CYRIB: variants seen among roughly 807,000 people sequenced by gnomAD.
The protein encoded by CYRIB is CYFIP related Rac1 interactor B.
In CYRIB, 8 loss-of-function variants were observed where a neutral mutation model predicts 44.2. That is an observed-to-expected ratio of 0.18 (90% CI 0.11 to 0.33). The LOEUF (loss-of-function observed/expected upper bound fraction) is 0.33, where lower values mean the gene tolerates loss of function less well. CYRIB is among the 10% of genes least tolerant of loss of function. The probability of loss-of-function intolerance (pLI) is 1.00; values close to 1 mark genes in which losing one functional copy is unlikely to be tolerated. For synonymous variants in CYRIB, 131 were observed against 127.2 expected (o/e 1.03, Z -0.20); for missense variants, 185 against 382.8 (o/e 0.48, Z 4.31).
chr8:129,977,735 T>C (rs901477544), intron 1 of CYRIB, among the ~76,000 whole-genome samples: 13 of 152,096 alleles, frequency 8.5e-5, no homozygotes, highest in Non-Finnish European at 5.9e-5. Context: ...GGTTTCACCG[T>C]GTTAGCCAGG....
At chr8:129,856,160 G>C (rs2046112831) in intron 5 of CYRIB, among the ~76,000 whole-genome samples, 1 of 152,176 alleles carries the variant, frequency 6.6e-6, no homozygotes, top group African/African-American at 2.4e-5. Flanking sequence ...CACACTGTCT[G>C]TATATGCCTA....
chr8:129,842,473 T>C (rs1318473570), intron 11 of CYRIB, among the ~76,000 whole-genome samples: 2 of 152,188 alleles, frequency 1.3e-5, no homozygotes, highest in Non-Finnish European at 2.9e-5. Flanking sequence ...AGTAAACAAT[T>C]AGCTGTAACT....
intron 1 of CYRIB, among the ~76,000 whole-genome samples, chr8:129,999,945 T>C (rs1034213153): frequency 6.6e-6 from 1 of 152,124 alleles, no homozygotes; most frequent in Admixed American, 6.6e-5. Flanking sequence ...AAGGTTTTGA[T>C]GAGGATTAAA....
intron 1 of CYRIB, among the ~76,000 whole-genome samples, chr8:129,906,918 T>C (rs1231836772): frequency 1.3e-5 from 2 of 152,182 alleles, no homozygotes; most frequent in African/African-American, 2.4e-5. Flanking sequence ...TCACACCAGT[T>C]AGAATGGCAA....
intron 1 of CYRIB, among the ~76,000 whole-genome samples, chr8:129,939,385 C>A (rs1205720572): frequency 6.6e-6 from 1 of 151,544 alleles, no homozygotes; most frequent in African/African-American, 2.4e-5. Context: ...AAAGGAAGAC[C>A]CGAATGAATG....
chr8:129,998,125 A>C (rs2096822495), intron 1 of CYRIB, among the ~76,000 whole-genome samples: 1 of 151,246 alleles, frequency 6.6e-6, no homozygotes, highest in East Asian at 1.9e-4. Flanking sequence ...GTCTCAAAAA[A>C]AAAAAAAAAA....
intron 1 of CYRIB, among the ~76,000 whole-genome samples, chr8:130,007,618 C>T (rs868715721): frequency 5.9e-5 from 9 of 151,996 alleles, no homozygotes; most frequent in South Asian, 4.2e-4. Flanking sequence ...AACCCTGTCG[C>T]TACTAAAAAT....
intron 2 of CYRIB, among the ~76,000 whole-genome samples, chr8:129,882,646 G>A (rs917372045): frequency 3.3e-5 from 5 of 152,084 alleles, no homozygotes; most frequent in African/African-American, 4.8e-5. Context: ...ACCTTTTTAC[G>A]TGTATGCACA....
In CYRIB at chr8:129,999,128, T is replaced by TG. The variant is rs561358759; in HGVS notation, c.-296+17241dup. Among the ~76,000 whole-genome samples, 1,003 of 146,260 alleles carry TG rather than the reference T, an allele frequency of 6.9e-3. 4 individuals are homozygous for TG. The highest frequency in any genetic ancestry group is 0.014 in the South Asian group (63 of 4,510). ...ATTGTCCCATGCTCTGAGAATAACG[T>TG]GGGGGGGGTGGGACGCAGGAGGGGC... On this transcript the variant is annotated intron_variant, in intron 1 of 14. Coordinates refer to the CYRIB transcript ENST00000401979.
intron 1 of CYRIB, among the ~76,000 whole-genome samples, chr8:130,006,683 T>C (rs1013530828): frequency 1.1e-4 from 15 of 138,610 alleles, no homozygotes; most frequent in East Asian, 2.0e-4. Context: ...TGTATATATA[T>C]ACACACATAT....
At chr8:129,886,903 C>G (rs765051777) in intron 2 of CYRIB, among the ~76,000 whole-genome samples, 4 of 152,178 alleles carry the variant, frequency 2.6e-5, no homozygotes, top group Non-Finnish European at 5.9e-5. Context: ...ACAATCTCTT[C>G]CACATATAAG....
intron 1 of CYRIB, among the ~76,000 whole-genome samples, chr8:129,989,068 T>TC (rs760648434): frequency 3.9e-5 from 6 of 152,162 alleles, no homozygotes; most frequent in Non-Finnish European, 8.8e-5. Flanking sequence ...TTCTGTCTTT[T>TC]CCCCCCAACA....
In CYRIB at chr8:129,922,812, G is replaced by A. The variant is rs1022823996; in HGVS notation, c.-50+16796C>T. Among the ~76,000 whole-genome samples, 11 of 151,412 alleles carry A rather than the reference G, an allele frequency of 7.3e-5. No individual in the cohort carries two copies. The East Asian group carries it at 1.6e-3, about 21-fold the overall frequency. On this transcript the variant is annotated intron_variant, in intron 1 of 11. Coordinates refer to ENST00000519824, the Ensembl canonical transcript of CYRIB. ...TGGGAGGCGGAGTTTGCAGTGAGCC[G>A]AGATCGCACCACTGCACTCCAGCCT...
chr8:130,006,607 C>CACATATATATATGTATATATATAT (rs1359122569), intron 1 of CYRIB, among the ~76,000 whole-genome samples: 4 of 7,120 alleles, frequency 5.6e-4, no homozygotes, highest in East Asian at 3.5e-3. Flanking sequence ...TATATATATA[C>CACATATATATATGTATATATATAT]ATATATATGT....
At chr8:129,918,036 G>A (rs1014311311) in intron 1 of CYRIB, among the ~76,000 whole-genome samples, 1 of 152,066 alleles carries the variant, frequency 6.6e-6, no homozygotes, top group African/African-American at 2.4e-5. Context: ...TCATTTTCAC[G>A]TGTTTACGAG....
chr8:129,895,332 T>C (rs2067500736), intron 2 of CYRIB, among the ~76,000 whole-genome samples: 1 of 151,676 alleles, frequency 6.6e-6, no homozygotes, highest in African/African-American at 2.4e-5. Context: ...TACCACCCTT[T>C]TAATGCTTAT....
intron 1 of CYRIB, among the ~76,000 whole-genome samples, chr8:130,001,816 T>C (rs150166840): frequency 1.8e-3 from 279 of 152,302 alleles, no homozygotes; most frequent in African/African-American, 6.2e-3. Context: ...AGATGGGTAC[T>C]GGTATGTGGA....
At chr8:129,983,155 T>C (rs1459684834) in intron 1 of CYRIB, among the ~76,000 whole-genome samples, 2 of 151,904 alleles carry the variant, frequency 1.3e-5, no homozygotes, top group Admixed American at 6.6e-5. Context: ...TTAAAAAACA[T>C]ATAAATAAGG....
intron 3 of CYRIB, among the ~76,000 whole-genome samples, chr8:129,874,942 T>C (rs1430678866): frequency 1.3e-5 from 2 of 152,148 alleles, no homozygotes; most frequent in Non-Finnish European, 2.9e-5. Context: ...TATAACAGAA[T>C]CAGAGAAAAT....
Sources: allele counts gnomAD v4.1 joint callset (sites outside exome capture counted in the v4.1 genomes callset), GRCh38; gene constraint gnomAD v4.1.1; transcripts MANE v1.5; gene names NCBI Gene and HGNC (gene_info 2026-07-23, HGNC 2026-07-21).